BICC1: variants seen among roughly 807,000 people sequenced by gnomAD.
BICC1 encodes the protein BicC family RNA binding protein 1.
A neutral mutation model predicts 111.0 loss-of-function variants in BICC1; 43 were observed. The ratio of observed to expected loss-of-function variants is 0.39; its 90% confidence interval spans 0.30 to 0.50. The LOEUF (loss-of-function observed/expected upper bound fraction) is 0.50. Ranked by LOEUF, BICC1 falls within the 20% of genes least tolerant of loss-of-function variation. The pLI, the probability that BICC1 is intolerant of heterozygous loss-of-function variation, is 0.88. For missense variants in BICC1, 1,091 were observed against 1,203.2 expected (o/e 0.91, Z 1.38); for synonymous variants, 467 against 434.4 (o/e 1.07, Z -0.93).
At chr10:58,532,228 G>A (rs1842700123) in intron 1 of BICC1, among the ~76,000 whole-genome samples, 1 of 151,556 alleles carries the variant, frequency 6.6e-6, no homozygotes, top group Non-Finnish European at 1.5e-5. Flanking sequence ...TTTCTCAGTG[G>A]AAGCATCGCA....
chr10:58,800,516 C>CT (rs1384928913), intron 13 of BICC1, among the ~76,000 whole-genome samples, 190 bp downstream of exon 13: 1 of 152,172 alleles, frequency 6.6e-6, no homozygotes, highest in African/African-American at 2.4e-5. Context: ...CTGAAAAGCA[C>CT]TTTCCACAGA....
intron 20 of BICC1, among the ~76,000 whole-genome samples, chr10:58,821,869 A>G (rs1259732907): frequency 6.6e-6 from 1 of 152,074 alleles, no homozygotes; most frequent in Non-Finnish European, 1.5e-5. Flanking sequence ...TCATGAAGGT[A>G]GATTGGAATT....
intron 3 of BICC1, among the ~76,000 whole-genome samples, chr10:58,730,394 A>G (rs1025548875): frequency 3.9e-5 from 6 of 152,096 alleles, no homozygotes; most frequent in Non-Finnish European, 5.9e-5. Context: ...GGCTACTGTC[A>G]TGGGCTGGCA....
rs558295112 is a variant in BICC1, at chr10:58,644,048, A to G, written c.237+23147A>G. 2.6e-5 allele frequency among the ~76,000 whole-genome samples: 4 copies of G among 152,346 alleles called. No individual in the cohort carries two copies. The South Asian group carries it at 8.3e-4, about 32-fold the overall frequency. On this transcript the variant is annotated intron_variant, in intron 2 of 20. Transcript: ENST00000373886. ...AAAAAGTTAGAAATTTTTTTGGAAT[A>G]TCTACGATGAGATATATACCTGTCA... is the stretch of plus-strand genomic sequence containing the variant.
At chr10:58,577,945 A>C (rs957872269) in intron 1 of BICC1, among the ~76,000 whole-genome samples, 1 of 152,198 alleles carries the variant, frequency 6.6e-6, no homozygotes, top group African/African-American at 2.4e-5. Context: ...CTCTATGTGC[A>C]AATAGAGTTT....
At chr10:58,596,774 G>A (rs1844828257) in intron 1 of BICC1, among the ~76,000 whole-genome samples, 1 of 152,140 alleles carries the variant, frequency 6.6e-6, no homozygotes, top group African/African-American at 2.4e-5. Flanking sequence ...CAGACAGAGA[G>A]CCAAATCATG....
intron 2 of BICC1, 116 bp from the exon 3 acceptor site, chr10:58,701,958 A>G: frequency 1.4e-6 from 1 of 692,044 alleles, no homozygotes; most frequent in Non-Finnish European, 2.4e-6. Flanking sequence ...AAATGAGATC[A>G]TTTTGTATGA....
At chr10:58,722,497 A>G (rs767922868) in intron 3 of BICC1, among the ~76,000 whole-genome samples, 4 of 152,246 alleles carry the variant, frequency 2.6e-5, no homozygotes, top group Non-Finnish European at 5.9e-5. Flanking sequence ...CATCAATCAC[A>G]TGAATTAAGT....
At chr10:58,816,779 G>A (rs886064219) in intron 18 of BICC1, among the ~76,000 whole-genome samples, 1 of 151,142 alleles carries the variant, frequency 6.6e-6, no homozygotes, top group African/African-American at 2.4e-5. Context: ...GTGTGTGTGT[G>A]TGTGTGTGTG....
chr10:58,820,511 C>T (rs1174091397), intron 20 of BICC1, 43 bp downstream of exon 20: 1 of 1,398,012 alleles, frequency 7.2e-7, no homozygotes, highest in Non-Finnish European at 1.0e-6. Flanking sequence ...TCTGAATAAC[C>T]TCTGCCAGTG....
intron 3 of BICC1, among the ~76,000 whole-genome samples, chr10:58,753,253 C>T (rs906003559): frequency 6.6e-6 from 1 of 152,140 alleles, no homozygotes; most frequent in African/African-American, 2.4e-5. Flanking sequence ...TCTGCAGACC[C>T]AATTTACCAG....
chr10:58,568,806 A>G (rs938404580), intron 1 of BICC1, among the ~76,000 whole-genome samples: 3 of 152,198 alleles, frequency 2.0e-5, no homozygotes, highest in African/African-American at 7.2e-5. Flanking sequence ...AGAAGGCAAG[A>G]ATCACATCTG....
intron 3 of BICC1, among the ~76,000 whole-genome samples, chr10:58,729,190 T>G (rs1319663133): frequency 2.0e-5 from 3 of 152,234 alleles, no homozygotes; most frequent in South Asian, 2.1e-4. Flanking sequence ...ACACCTTTTT[T>G]TCCAACAGAA....
intron 3 of BICC1, among the ~76,000 whole-genome samples, chr10:58,779,831 A>G (rs184493973): frequency 6.6e-6 from 1 of 152,180 alleles, no homozygotes; most frequent in Non-Finnish European, 1.5e-5. Context: ...TTTTCCCTAT[A>G]TGATTCCAAG....
rs371591975 is a variant in BICC1, at chr10:58,635,824, G to A, written c.237+14923G>A. Reference sequence around the variant, plus strand: ...ATACATAAAAATATATCCCCAACTAGAACGTCTTTTTTTCCTCTTTGTCTC... The same window carrying A: ...ATACATAAAAATATATCCCCAACTAAAACGTCTTTTTTTCCTCTTTGTCTC... On this transcript the variant is annotated intron_variant, in intron 2 of 20. Coordinates refer to ENST00000373886, the MANE Select transcript of BICC1 (RefSeq NM_001080512.3). Among the ~76,000 whole-genome samples the A allele has an allele frequency of 1.1e-4, 16 of 152,166 alleles. No individual in the cohort carries two copies. In the East Asian group the frequency reaches 3.1e-3, roughly 29 times the overall value.
In BICC1 at chr10:58,734,704, T is replaced by A. The variant is rs555825765; in HGVS notation, c.307+32561T>A. ...AGTGAAGAAGCAAATGATTTATTTT[T>A]CATAGAAGAAGCTGCTTTTTTCAAG... On this transcript the variant is annotated intron_variant, in intron 3 of 20. Transcript: ENST00000373886. 6.8e-4 allele frequency among the ~76,000 whole-genome samples: 103 copies of A among 152,354 alleles called. No individual in the cohort carries two copies. In the Middle Eastern group the frequency reaches 0.01, roughly 15 times the overall value.
chr10:58,774,621 C>T (rs1695374953), intron 3 of BICC1, among the ~76,000 whole-genome samples: 1 of 152,152 alleles, frequency 6.6e-6, no homozygotes, highest in South Asian at 2.1e-4. Context: ...TTCTTCTCTT[C>T]TTAATATATG....
At chr10:58,663,716 C>G (rs1040277587) in intron 2 of BICC1, among the ~76,000 whole-genome samples, 1 of 152,150 alleles carries the variant, frequency 6.6e-6, no homozygotes, top group Non-Finnish European at 1.5e-5. Flanking sequence ...AGTTTCATCC[C>G]GAAACCATCT....
chr10:58,756,508 A>G (rs997167725), intron 3 of BICC1, among the ~76,000 whole-genome samples: 2 of 151,250 alleles, frequency 1.3e-5, no homozygotes, highest in African/African-American at 2.4e-5. Context: ...TTCTAGCAGG[A>G]CACCCAAGAG....
Sources: gnomAD v4.1 joint callset for allele counts (sites outside exome capture counted in the v4.1 genomes callset) on GRCh38, gnomAD v4.1.1 for gene constraint, MANE v1.5 for transcripts, NCBI Gene and HGNC (gene_info 2026-07-23, HGNC 2026-07-21) for gene names.